Variants in NCK1 observed in about 807,000 individuals in gnomAD.
NCK1 encodes the protein SH2/SH3 adapter protein NCK1.
Under a neutral mutation model 36.6 loss-of-function variants are expected in NCK1, and 19 were observed. That is an observed-to-expected ratio of 0.52 (90% CI 0.36 to 0.76). NCK1 has a LOEUF of 0.76. NCK1 is among the 30% of genes least tolerant of loss of function. NCK1 has a pLI of 0.00. For missense variants in NCK1, 358 were observed against 445.6 expected (o/e 0.80, Z 1.77); for synonymous variants, 165 against 156.0 (o/e 1.06, Z -0.43).
intron 1 of NCK1, among the ~76,000 whole-genome samples, chr3:136,884,261 C>T (rs1167913791): frequency 1.3e-5 from 2 of 152,078 alleles, no homozygotes; most frequent in Non-Finnish European, 2.9e-5. Context: ...CCAGCAGTTT[C>T]AAGAAAGAGG....
At chr3:136,866,618 T>C (rs1938419172) in intron 1 of NCK1, among the ~76,000 whole-genome samples, 1 of 150,956 alleles carries the variant, frequency 6.6e-6, no homozygotes, top group African/African-American at 2.4e-5. Flanking sequence ...CTTTCTTTCT[T>C]CTTTTTTTTT....
intron 1 of NCK1, among the ~76,000 whole-genome samples, chr3:136,867,084 C>T (rs1490520561): frequency 2.4e-4 from 3 of 12,468 alleles, no homozygotes; most frequent in African/African-American, 9.3e-4. Context: ...TTCTTTCTTT[C>T]TTTCTTTCTT....
intron 1 of NCK1, among the ~76,000 whole-genome samples, chr3:136,897,939 A>G (rs1939432209): frequency 6.6e-6 from 1 of 152,230 alleles, no homozygotes; most frequent in African/African-American, 2.4e-5. Context: ...ATTATCTAAT[A>G]TCATAATAGG....
chr3:136,907,136 T>C (rs1939707284), intron 1 of NCK1, among the ~76,000 whole-genome samples: 1 of 152,192 alleles, frequency 6.6e-6, no homozygotes, highest in Non-Finnish European at 1.5e-5. Flanking sequence ...TGCTTGTGCC[T>C]TGCTCCTGCT....
intron 2 of NCK1, among the ~76,000 whole-genome samples, chr3:136,932,675 G>C (rs1965109): frequency 0.68 from 103,635 of 152,060 alleles, 35,608 homozygotes; most frequent in East Asian, 0.87. Flanking sequence ...TTGTAAAAGA[G>C]AGAGTTGGGC....
At chr3:136,878,284 C>G (rs962561343) in intron 1 of NCK1, among the ~76,000 whole-genome samples, 2 of 152,038 alleles carry the variant, frequency 1.3e-5, no homozygotes, top group Non-Finnish European at 2.9e-5. Flanking sequence ...TGGCAGGCAC[C>G]TATAATCCCA....
chr3:136,884,078 G>A (rs1939012868), intron 1 of NCK1, among the ~76,000 whole-genome samples: 1 of 152,174 alleles, frequency 6.6e-6, no homozygotes, highest in African/African-American at 2.4e-5. Context: ...AAATTACAGA[G>A]TCTAGGCCAG....
At chr3:136,914,237 G>A (rs1939901237) in intron 1 of NCK1, among the ~76,000 whole-genome samples, 2 of 152,202 alleles carry the variant, frequency 1.3e-5, no homozygotes, top group South Asian at 4.1e-4. Context: ...TGGAGGACAG[G>A]TCTTATTGCC....
At chr3:136,914,196 A>G (rs1300866488) in intron 1 of NCK1, among the ~76,000 whole-genome samples, 3 of 152,208 alleles carry the variant, frequency 2.0e-5, no homozygotes, top group African/African-American at 4.8e-5. Context: ...AGAAAGCGCA[A>G]TTAGCTGTCA....
chr3:136,905,186 AT>A (rs1311968569), intron 1 of NCK1, among the ~76,000 whole-genome samples: 1 of 150,586 alleles, frequency 6.6e-6, no homozygotes, highest in Non-Finnish European at 1.5e-5. Flanking sequence ...TGTGGCGGCA[AT>A]TTTTTTGTAT....
chr3:136,922,656 T>C (rs533845312), intron 1 of NCK1, among the ~76,000 whole-genome samples: 6 of 152,340 alleles, frequency 3.9e-5, no homozygotes, highest in East Asian at 1.9e-4. Context: ...CCCTATTAGA[T>C]TGGCAAAAAT....
intron 2 of NCK1, among the ~76,000 whole-genome samples, chr3:136,945,029 A>T (rs1375935001): frequency 6.6e-6 from 1 of 152,256 alleles, no homozygotes; most frequent in Non-Finnish European, 1.5e-5. Context: ...ATAATATTTT[A>T]AAATAAACAT....
At chr3:136,915,730 G>GTTT (rs748296383) in intron 1 of NCK1, among the ~76,000 whole-genome samples, 1 of 142,400 alleles carries the variant, frequency 7.0e-6, no homozygotes. Context: ...TTTTGCTTTT[G>GTTT]TTTTTTTTTT....
chr3:136,942,113 C>T (rs1940694414), intron 2 of NCK1, among the ~76,000 whole-genome samples: 1 of 152,212 alleles, frequency 6.6e-6, no homozygotes, highest in African/African-American at 2.4e-5. Flanking sequence ...GCTGGGATTA[C>T]AGGTGTGAGC....
At chr3:136,927,188 T>C (rs1262348782) in intron 1 of NCK1, among the ~76,000 whole-genome samples, 1 of 152,146 alleles carries the variant, frequency 6.6e-6, no homozygotes, top group Non-Finnish European at 1.5e-5. Flanking sequence ...GCCAGGCTGG[T>C]CTTGCATTCC....
chr3:136,873,982 G>A (rs1938697435), intron 1 of NCK1, among the ~76,000 whole-genome samples: 2 of 152,226 alleles, frequency 1.3e-5, no homozygotes, highest in Non-Finnish European at 1.5e-5. Context: ...ACCTTTTTGT[G>A]GATGGCTACT....
intron 1 of NCK1, among the ~76,000 whole-genome samples, chr3:136,865,188 C>T (rs1257139061): frequency 1.3e-5 from 2 of 152,026 alleles, no homozygotes; most frequent in South Asian, 2.1e-4. Context: ...GAACTCCTGA[C>T]CTCGTGATCC....
chr3:136,945,795 AGCTACAATG>A lies in NCK1; in HGVS notation c.441_449del (p.Ser147_Gly150delinsArg). ...ATGCAGTGATGGGTGGTGGCGTGGT[AGCTACAATG>A]GACAAGTTGGATGGTTCCCTTCAAA... On this transcript the variant is annotated inframe_deletion, in exon 3 of 4. Transcript: ENST00000481752. The A allele has an allele frequency of 6.2e-7, 1 of 1,614,104 alleles. No individual in the cohort carries two copies. Among genetic ancestry groups the A allele is most frequent in the Non-Finnish European group, 8.5e-7 (1 of 1,179,992 alleles).
At chr3:136,878,438 A>G (rs1938835358) in intron 1 of NCK1, among the ~76,000 whole-genome samples, 1 of 152,166 alleles carries the variant, frequency 6.6e-6, no homozygotes, top group South Asian at 2.1e-4. Context: ...TGCTAAGTAT[A>G]CTAAAGACCA....
Sources: allele counts gnomAD v4.1 joint callset (sites outside exome capture counted in the v4.1 genomes callset), GRCh38; gene constraint gnomAD v4.1.1; transcripts MANE v1.5; gene names NCBI Gene and HGNC (gene_info 2026-07-23, HGNC 2026-07-21).